PHLPP1: variants seen among roughly 807,000 people sequenced by gnomAD.
The protein encoded by PHLPP1 is PH domain leucine-rich repeat-containing protein phosphatase 1.
In PHLPP1, 42 loss-of-function variants were observed where a neutral mutation model predicts 117.2. That is an observed-to-expected ratio of 0.36 (90% CI 0.28 to 0.46). The LOEUF is 0.46. Among genes scored for constraint, PHLPP1 ranks in the 20% least tolerant of loss-of-function variants. PHLPP1 has a pLI of 1.00. For synonymous variants in PHLPP1, 1,042 were observed against 970.7 expected, an observed-to-expected ratio of 1.07 and a Z score of -1.37; for missense variants, 2,084 against 2,241.9, an observed-to-expected ratio of 0.93 and a Z score of 1.42.
intron 6 of PHLPP1, among the ~76,000 whole-genome samples, chr18:62,898,774 A>C (rs543173289): frequency 6.6e-6 from 1 of 151,964 alleles, no homozygotes; most frequent in Non-Finnish European, 1.5e-5. Context: ...GGAATCAACT[A>C]GTTTTTTTTA....
At chr18:62,729,669 C>T (rs1417961733) in intron 1 of PHLPP1, among the ~76,000 whole-genome samples, 1 of 151,164 alleles carries the variant, frequency 6.6e-6, no homozygotes, top group East Asian at 1.9e-4. Context: ...AGCAAGACTT[C>T]GTCTAAAAAA....
intron 13 of PHLPP1, among the ~76,000 whole-genome samples, chr18:62,962,599 G>A (rs1044248222): frequency 6.6e-6 from 1 of 152,140 alleles, no homozygotes; most frequent in Non-Finnish European, 1.5e-5. Context: ...GTGAGCCACC[G>A]CGCCTGGCAA....
chr18:62,961,961 G>T (rs151316556), intron 13 of PHLPP1, among the ~76,000 whole-genome samples: 173 of 152,292 alleles, frequency 1.1e-3, no homozygotes, highest in African/African-American at 3.7e-3. Context: ...ACTTCTTAGA[G>T]CTTTAACTGG....
chr18:62,824,650 A>C (rs1914560571), intron 1 of PHLPP1, among the ~76,000 whole-genome samples: 1 of 152,194 alleles, frequency 6.6e-6, no homozygotes, highest in Admixed American at 6.5e-5. Flanking sequence ...TGTAAAAAAA[A>C]GTGGAAGATT....
chr18:62,944,093 G>A (rs1910208712), intron 11 of PHLPP1, among the ~76,000 whole-genome samples: 1 of 151,864 alleles, frequency 6.6e-6, no homozygotes, highest in Non-Finnish European at 1.5e-5. Flanking sequence ...CTTTAAAAGT[G>A]TATTGTGACA....
chr18:62,904,099 A>G (rs1176143507), intron 7 of PHLPP1, among the ~76,000 whole-genome samples: 1 of 152,228 alleles, frequency 6.6e-6, no homozygotes, highest in Non-Finnish European at 1.5e-5. Context: ...GATTACTGTT[A>G]TCTCAGAAAA....
At chr18:62,929,347 A>G (rs1226372028) in intron 10 of PHLPP1, among the ~76,000 whole-genome samples, 2 of 152,222 alleles carry the variant, frequency 1.3e-5, no homozygotes. Context: ...AGTAATTTAA[A>G]TAAATTGTAA....
chr18:62,961,333 A>G (rs1162446705), intron 13 of PHLPP1, among the ~76,000 whole-genome samples: 2 of 152,144 alleles, frequency 1.3e-5, no homozygotes, highest in African/African-American at 4.8e-5. Flanking sequence ...GTCAGCATTC[A>G]TTTCACTTCA....
chr18:62,819,099 A>G (rs998756603), intron 1 of PHLPP1, among the ~76,000 whole-genome samples: 6 of 152,260 alleles, frequency 3.9e-5, no homozygotes, highest in Non-Finnish European at 5.9e-5. Flanking sequence ...CTTGTGAACC[A>G]GTATAAACCA....
chr18:62,730,276 C>T (rs112560973), intron 1 of PHLPP1, among the ~76,000 whole-genome samples: 56 of 152,162 alleles, frequency 3.7e-4, no homozygotes, highest in African/African-American at 1.2e-3. Flanking sequence ...TTCTTACCTG[C>T]TGCACGAGGT....
chr18:62,978,359 T>A lies in PHLPP1; in HGVS notation c.4082T>A (p.Leu1361His). The A allele has an allele frequency of 6.2e-7, 1 of 1,612,790 alleles. No individual in the cohort carries two copies. Among genetic ancestry groups the A allele is most frequent in the Non-Finnish European group, 8.5e-7 (1 of 1,179,226 alleles). Residue 1361 changes from leucine to histidine, a missense_variant, in exon 17 of 17, where the codon CTC becomes CAC. By Grantham distance (99) the Leu-to-His change is moderately conservative (BLOSUM62 -3). Coordinates refer to ENST00000262719, the MANE Select transcript of PHLPP1 (RefSeq NM_194449.4). This position sits in a 1 kb window ranked among gnomAD's most constrained non-coding sequence, Gnocchi z 7.0. ...CCTCGCCCCCACGTGCAGTCCGTGC[T>A]CCTGACTCCCCAGGATGAGTTCTTC... ...VVPRPHVQSV[L>H]LTPQDEFFIL...
At chr18:62,838,931 G>T (rs773841917) in intron 3 of PHLPP1, 22 bp downstream of exon 3, 7 of 1,613,022 alleles carry the variant, frequency 4.3e-6, no homozygotes, top group Non-Finnish European at 5.1e-6. Flanking sequence ...CTTAATCCAG[G>T]AATCCACTCA....
intron 5 of PHLPP1, 36 bp downstream of exon 5, chr18:62,895,193 G>T: frequency 6.2e-7 from 1 of 1,600,792 alleles, no homozygotes; most frequent in Non-Finnish European, 8.5e-7. Context: ...GGTATATCCA[G>T]AAGCCCCAGG....
chr18:62,865,154 C>G (rs1005036975), intron 4 of PHLPP1, among the ~76,000 whole-genome samples: 3 of 152,116 alleles, frequency 2.0e-5, no homozygotes, highest in African/African-American at 7.2e-5. Flanking sequence ...GAGACCCCAT[C>G]TCTATAAAGA....
intron 1 of PHLPP1, among the ~76,000 whole-genome samples, chr18:62,807,507 A>G (rs1913984968): frequency 6.6e-6 from 1 of 152,214 alleles, no homozygotes; most frequent in African/African-American, 2.4e-5. Context: ...TTTTACATTC[A>G]TGTGTTGTTT....
intron 1 of PHLPP1, among the ~76,000 whole-genome samples, chr18:62,771,987 T>TTTCTTC (rs758195002): frequency 6.6e-6 from 1 of 152,214 alleles, no homozygotes; most frequent in Admixed American, 6.5e-5. Context: ...GTATGATCAG[T>TTTCTTC]TTCTTCTTCT....
At chr18:62,744,953 G>A (rs1439786553) in intron 1 of PHLPP1, among the ~76,000 whole-genome samples, 1 of 152,090 alleles carries the variant, frequency 6.6e-6, no homozygotes, top group Non-Finnish European at 1.5e-5. Context: ...CCTCCATTTG[G>A]TTTATGTCCA....
At chr18:62,932,280 G>T (rs947091787) in intron 10 of PHLPP1, among the ~76,000 whole-genome samples, 1 of 151,356 alleles carries the variant, frequency 6.6e-6, no homozygotes, top group Non-Finnish European at 1.5e-5. Flanking sequence ...TATGAAACCA[G>T]TATCATCCTG....
chr18:62,813,845 A>G (rs532205483), intron 1 of PHLPP1, among the ~76,000 whole-genome samples: 2 of 152,200 alleles, frequency 1.3e-5, no homozygotes, highest in East Asian at 3.9e-4. Context: ...TATTTCCTGC[A>G]CCACTACACA....
Sources: gnomAD v4.1 joint callset for allele counts (sites outside exome capture counted in the v4.1 genomes callset) on GRCh38, gnomAD v4.1.1 for gene constraint, Gnocchi (gnomAD v3.1) non-coding constraint, MANE v1.5 for transcripts, NCBI Gene and HGNC (gene_info 2026-07-23, HGNC 2026-07-21) for gene names.